The following DGKB variants were observed in gnomAD, a reference collection of about 807,000 sequenced individuals.
DGKB encodes the protein diacylglycerol kinase beta.
In DGKB, 67 loss-of-function variants were observed where a neutral mutation model predicts 114.3. The observed-to-expected ratio is 0.59, with a 90% CI of 0.48 to 0.72. The LOEUF is 0.72. Among genes scored for constraint, DGKB ranks in the 30% least tolerant of loss-of-function variants. DGKB has a pLI of 0.00. For synonymous variants in DGKB, 398 were observed against 323.1 expected (o/e 1.23, Z -2.49); for missense variants, 907 against 975.2 (o/e 0.93, Z 0.93).
chr7:14,654,551 T>C (rs1815372186), intron 13 of DGKB, among the ~76,000 whole-genome samples: 1 of 151,996 alleles, frequency 6.6e-6, no homozygotes, highest in Non-Finnish European at 1.5e-5. Context: ...CTAAAATTTG[T>C]ATTGAACCCA....
chr7:14,778,143 A>T (rs1838487630), intron 2 of DGKB, among the ~76,000 whole-genome samples: 1 of 152,242 alleles, frequency 6.6e-6, no homozygotes, highest in Admixed American at 6.5e-5. Context: ...TAAAAGACTG[A>T]CGAAGAAAAT....
chr7:14,212,365 TTTTACTCTCGTGTTTTGTGATA>T (rs1182591824), intron 23 of DGKB, among the ~76,000 whole-genome samples: 721 of 19,734 alleles, frequency 0.037, 197 homozygotes, highest in Admixed American at 0.067. Context: ...TGTTTTGTGA[TTTTACTCTCGTGTTTTGTGATA>T]TTTACTCTCA....
intron 4 of DGKB, among the ~76,000 whole-genome samples, chr7:14,746,436 G>A (rs551109719): frequency 1.3e-5 from 2 of 152,148 alleles, no homozygotes; most frequent in Middle Eastern, 3.4e-3. Context: ...ATAAATAAAA[G>A]GATTAGGTTA....
intron 25 of DGKB, among the ~76,000 whole-genome samples, chr7:14,157,510 G>A (rs752451737): frequency 6.6e-6 from 1 of 151,986 alleles, no homozygotes; most frequent in Non-Finnish European, 1.5e-5. Flanking sequence ...TTAAAAAATG[G>A]AGTTGGGAGG....
In DGKB at chr7:14,149,076, G is replaced by T. The variant is rs904242053; in HGVS notation, c.*55C>A. On this transcript the variant is annotated 3_prime_UTR_variant, in exon 26 of 26. Transcript: ENST00000402815. ...AATGGTTCAAAGATTTCCAGCATAT[G>T]TGTTCCATGGCCCAATTATGCTAAT... 7.0e-7 allele frequency: 1 copy of T among 1,420,072 alleles called. No homozygotes were observed. The highest frequency in any genetic ancestry group is 1.7e-5 in the Admixed American group (1 of 59,602). 88.0% of individuals were successfully genotyped at this position (1,420,072 alleles called of 1,614,324 possible). A position where few individuals can be genotyped will look rare whatever the true frequency, so the allele number is the denominator to read the frequency against.
At chr7:14,483,345 A>G (rs1399567172) in intron 20 of DGKB, among the ~76,000 whole-genome samples, 2 of 152,206 alleles carry the variant, frequency 1.3e-5, no homozygotes, top group African/African-American at 4.8e-5. Context: ...ATGTCCACAA[A>G]TGGAGAGATA....
intron 20 of DGKB, among the ~76,000 whole-genome samples, chr7:14,565,892 T>G (rs1797313531): frequency 6.6e-6 from 1 of 152,152 alleles, no homozygotes; most frequent in South Asian, 2.1e-4. Flanking sequence ...TGAGCTTCCT[T>G]TAAGTGAGCA....
intron 1 of DGKB, among the ~76,000 whole-genome samples, chr7:14,961,346 T>C (rs1164168758): frequency 6.6e-6 from 1 of 152,158 alleles, no homozygotes; most frequent in African/African-American, 2.4e-5. Context: ...ACGCCAAGAC[T>C]CTTTAGTAAC....
intron 23 of DGKB, among the ~76,000 whole-genome samples, chr7:14,303,446 A>G (rs1803908621): frequency 1.3e-5 from 2 of 152,104 alleles, no homozygotes; most frequent in African/African-American, 2.4e-5. Flanking sequence ...TTTTGTTATT[A>G]TTGGTCCTTT....
chr7:14,609,134 TG>T (rs1172294341), intron 16 of DGKB, among the ~76,000 whole-genome samples: 1 of 151,744 alleles, frequency 6.6e-6, no homozygotes. Context: ...AGAACAAAGA[TG>T]GAAGAATCAC....
chr7:14,597,269 A>G (rs1375470692), intron 17 of DGKB, among the ~76,000 whole-genome samples: 1 of 152,200 alleles, frequency 6.6e-6, no homozygotes, highest in East Asian at 1.9e-4. Flanking sequence ...AGGTAACTAA[A>G]TGAAAAATAC....
Position 14,718,665 on chromosome 7 carries a change from C to T in DGKB, c.343G>A (p.Ala115Thr), listed in dbSNP as rs1448929341. The T allele has an allele frequency of 6.2e-7, 1 of 1,608,324 alleles. No individual in the cohort carries two copies. The highest frequency in any genetic ancestry group is 2.2e-5 in the East Asian group (1 of 44,646). ...GAAGTAGTCCGGGGAGGGGTGATGGCACCTTTATTCATTCTCAGACCTGGA... is the reference window on the plus strand; with the variant it reads ...GAAGTAGTCCGGGGAGGGGTGATGGTACCTTTATTCATTCTCAGACCTGGA... ...LSGGLRMNKG[A>T]ITPPRTTSPA... The change falls in exon 6 of 26, where the codon GCC (alanine) becomes ACC (threonine). Residue 115 changes from alanine to threonine, a missense_variant. Physicochemically the swap from Ala to Thr is moderately conservative, Grantham distance 58 (BLOSUM62 0). Transcript: ENST00000402815.
chr7:14,177,549 C>T (rs1212202713), intron 24 of DGKB, among the ~76,000 whole-genome samples: 11 of 89,390 alleles, frequency 1.2e-4, no homozygotes, highest in South Asian at 3.7e-4. Context: ...AGTGAAACTC[C>T]GTCTCAAAAA....
upstream of DGKB, among the ~76,000 whole-genome samples, chr7:14,904,711 C>T (rs1258683752): frequency 1.3e-5 from 2 of 152,208 alleles, no homozygotes; most frequent in African/African-American, 2.4e-5. Context: ...AATTTTTTAA[C>T]GTCAAAATTC....
intron 23 of DGKB, among the ~76,000 whole-genome samples, chr7:14,316,382 G>T (rs1468951139): frequency 1.5e-5 from 2 of 130,144 alleles, no homozygotes; most frequent in African/African-American, 6.1e-5. Flanking sequence ...TTGATAGACC[G>T]CTAGCAAGAC....
intron 1 of DGKB, among the ~76,000 whole-genome samples, chr7:14,925,852 AGGAATAATT>A (rs1784717790): frequency 7.0e-6 from 1 of 143,788 alleles, no homozygotes; most frequent in Non-Finnish European, 1.5e-5. Context: ...ATTTGCAAAT[AGGAATAATT>A]GGGTCCCCCC....
chr7:14,658,824 T>A (rs1816396886), intron 13 of DGKB, among the ~76,000 whole-genome samples: 1 of 151,980 alleles, frequency 6.6e-6, no homozygotes. Context: ...AATATACATT[T>A]TTCAAATAGT....
intron 23 of DGKB, among the ~76,000 whole-genome samples, chr7:14,256,428 T>C (rs1795978350): frequency 6.7e-6 from 1 of 149,262 alleles, no homozygotes; most frequent in African/African-American, 2.5e-5. Flanking sequence ...AAAGTTAATC[T>C]ACAGTATTTT....
chr7:14,941,348 G>C (rs73058980), intron 1 of DGKB, among the ~76,000 whole-genome samples: 1 of 152,038 alleles, frequency 6.6e-6, no homozygotes, highest in African/African-American at 2.4e-5. Flanking sequence ...TTTGATATGT[G>C]ATTTTTGGAT....
Sources: gnomAD v4.1 joint callset for allele counts (sites outside exome capture counted in the v4.1 genomes callset) on GRCh38, gnomAD v4.1.1 for gene constraint, MANE v1.5 for transcripts, NCBI Gene and HGNC (gene_info 2026-07-23, HGNC 2026-07-21) for gene names.